PLD5: variants seen among roughly 807,000 people sequenced by gnomAD.
The protein encoded by PLD5 is phospholipase D family member 5.
PLD5 carries 36 observed loss-of-function variants against 61.1 expected under a neutral mutation model. The ratio of observed to expected loss-of-function variants is 0.59; its 90% CI spans 0.45 to 0.78. PLD5 has a LOEUF of 0.78. Among genes scored for constraint, PLD5 ranks in the 30% least tolerant of loss-of-function variants. PLD5 has a pLI of 0.00. For synonymous variants in PLD5, 243 were observed against 242.8 expected, an observed-to-expected ratio of 1.00 and a Z score of -0.01; for missense variants, 515 against 644.4, an observed-to-expected ratio of 0.80 and a Z score of 2.17.
intron 1 of PLD5, among the ~76,000 whole-genome samples, chr1:242,433,977 G>A (rs978499311): frequency 6.6e-6 from 1 of 152,184 alleles, no homozygotes; most frequent in South Asian, 2.1e-4. Context: ...GATTACATAC[G>A]CTCTTGTAGC....
chr1:242,166,908 C>G (rs1407232424), intron 5 of PLD5, among the ~76,000 whole-genome samples: 2 of 151,976 alleles, frequency 1.3e-5, no homozygotes, highest in African/African-American at 2.4e-5. Flanking sequence ...TGATATGCTT[C>G]AATGTCCATT....
At chr1:242,101,490 G>T (rs796173504) in intron 8 of PLD5, among the ~76,000 whole-genome samples, 7 of 152,260 alleles carry the variant, frequency 4.6e-5, no homozygotes, top group African/African-American at 1.7e-4. Context: ...TTCAGATGAG[G>T]CTTAAACTGT....
At chr1:242,485,303 T>A (rs116497873) in intron 1 of PLD5, among the ~76,000 whole-genome samples, 6,594 of 151,548 alleles carry the variant, frequency 0.044, 230 homozygotes, top group Middle Eastern at 0.061. Flanking sequence ...TGCCGATGAC[T>A]TCTAGAAAAC....
chr1:242,326,236 A>G (rs1658768061), intron 2 of PLD5, among the ~76,000 whole-genome samples: 2 of 152,100 alleles, frequency 1.3e-5, no homozygotes, highest in Non-Finnish European at 1.5e-5. Flanking sequence ...TTTCAAAAGC[A>G]TTTGCTGGGA....
chr1:242,127,096 C>T (rs1662849745), intron 5 of PLD5, among the ~76,000 whole-genome samples: 1 of 152,142 alleles, frequency 6.6e-6, no homozygotes, highest in Admixed American at 6.5e-5. Context: ...ACCAAAGCCA[C>T]AATGTGATAC....
chr1:242,114,219 T>G (rs1167395903), intron 6 of PLD5, among the ~76,000 whole-genome samples, 193 bp from the exon 7 acceptor site: 1 of 152,172 alleles, frequency 6.6e-6, no homozygotes, highest in Non-Finnish European at 1.5e-5. Flanking sequence ...GTAGGATGGG[T>G]CTCAAGTCTG....
At chr1:242,457,236 T>A (rs1383914350) in intron 1 of PLD5, among the ~76,000 whole-genome samples, 2 of 152,194 alleles carry the variant, frequency 1.3e-5, no homozygotes, top group Non-Finnish European at 2.9e-5. Context: ...TGGTATTCCT[T>A]AGAGCCCACA....
At chr1:242,476,378 A>C (rs76057919) in intron 1 of PLD5, among the ~76,000 whole-genome samples, 10,054 of 152,008 alleles carry the variant, frequency 0.066, 396 homozygotes, top group African/African-American at 0.089. Context: ...AAAAAGAAAA[A>C]AGAAAACCCC....
intron 5 of PLD5, among the ~76,000 whole-genome samples, chr1:242,195,179 T>TA (rs1387988769): frequency 3.3e-5 from 5 of 152,226 alleles, no homozygotes; most frequent in African/African-American, 1.2e-4. Flanking sequence ...ATATGCTTTT[T>TA]AGGCAGAAGC....
intron 3 of PLD5, among the ~76,000 whole-genome samples, chr1:242,269,163 A>G (rs1673898742): frequency 6.6e-6 from 1 of 152,154 alleles, no homozygotes; most frequent in Non-Finnish European, 1.5e-5. Flanking sequence ...TTTTTTTAAT[A>G]AGAAATAACA....
At chr1:242,288,812 G>A (rs1385255917) in intron 2 of PLD5, among the ~76,000 whole-genome samples, 1 of 151,840 alleles carries the variant, frequency 6.6e-6, no homozygotes, top group African/African-American at 2.4e-5. Context: ...ATCTAGCCTG[G>A]AAAAAAAATT....
chr1:242,502,866 G>C (rs1668600720), intron 1 of PLD5, among the ~76,000 whole-genome samples: 1 of 152,056 alleles, frequency 6.6e-6, no homozygotes. Context: ...TTTGAGACCA[G>C]CCTGGCCAAC....
chr1:242,091,548 A>G (rs1439224107), intron 9 of PLD5, among the ~76,000 whole-genome samples: 1 of 152,242 alleles, frequency 6.6e-6, no homozygotes, highest in African/African-American at 2.4e-5. Flanking sequence ...CAGATGTCCC[A>G]ATACCCATAA....
At chr1:242,286,751 A>G (rs1292729278) in intron 3 of PLD5, among the ~76,000 whole-genome samples, 2 of 152,174 alleles carry the variant, frequency 1.3e-5, no homozygotes, top group Non-Finnish European at 2.9e-5. Flanking sequence ...TAAAATCTGT[A>G]GACTTTTCTC....
In PLD5 at chr1:242,430,931, T is replaced by A. The variant is rs140086562; in HGVS notation, c.190-82689A>T. ...CCTCCTGAGTGAGCATCTCGAGTTC[T>A]GTCAACGTTTAGTTTTCATCACCTG... On this transcript the variant is annotated intron_variant, in intron 1 of 9. Transcript: ENST00000536534. 2.0e-3 allele frequency among the ~76,000 whole-genome samples: 303 copies of A among 152,314 alleles called. 3 individuals carry two copies. The highest frequency in any genetic ancestry group is 7.0e-3 in the African/African-American group (293 of 41,564).
chr1:242,235,416 A>C (rs1308780111), intron 4 of PLD5: 1 of 152,196 alleles, frequency 6.6e-6, no homozygotes, highest in East Asian at 1.9e-4. Flanking sequence ...ACGTCGGTTC[A>C]CTGTACCCAG....
intron 1 of PLD5, among the ~76,000 whole-genome samples, chr1:242,484,003 G>A (rs1001228592): frequency 6.6e-6 from 1 of 152,060 alleles, no homozygotes; most frequent in African/African-American, 2.4e-5. Flanking sequence ...GATGTTCTTT[G>A]AAACCAATGA....
chr1:242,342,796 C>T (rs1420353442), intron 2 of PLD5, among the ~76,000 whole-genome samples: 1 of 151,276 alleles, frequency 6.6e-6, no homozygotes, highest in Non-Finnish European at 1.5e-5. Flanking sequence ...ATTTTTGGGG[C>T]ATTACAACTG....
intron 2 of PLD5, among the ~76,000 whole-genome samples, chr1:242,303,133 T>C (rs1282677559): frequency 6.6e-6 from 1 of 152,204 alleles, no homozygotes; most frequent in East Asian, 1.9e-4. Context: ...GAGGGAGGCA[T>C]TGTTCATTAG....
Sources: allele counts gnomAD v4.1 joint callset (sites outside exome capture counted in the v4.1 genomes callset), GRCh38; gene constraint gnomAD v4.1.1; transcripts MANE v1.5; gene names NCBI Gene and HGNC (gene_info 2026-07-23, HGNC 2026-07-21).